Variants in NTPCR observed in about 807,000 individuals in gnomAD.
The protein encoded by NTPCR is cancer-related nucleoside-triphosphatase.
NTPCR carries 15 observed loss-of-function variants against 19.5 expected under a neutral mutation model. That is an observed-to-expected ratio of 0.77 (90% CI 0.51 to 1.18). NTPCR has a LOEUF of 1.18. Among genes scored for constraint, NTPCR ranks in the 50% most tolerant of loss-of-function variants. NTPCR has a pLI of 0.00. For missense variants in NTPCR, 206 were observed against 240.4 expected (o/e 0.86, Z 0.95); for synonymous variants, 90 against 95.8 (o/e 0.94, Z 0.36).
In NTPCR at chr1:232,983,622, G is replaced by A. The variant is rs1172098769; in HGVS notation, c.*5391G>A. The A allele has an allele frequency of 1.3e-5, 2 of 152,170 alleles. No homozygotes were observed. The highest frequency in any genetic ancestry group is 6.5e-5 in the Admixed American group (1 of 15,276). 9.4% of individuals were successfully genotyped at this position (152,170 alleles called of 1,614,324 possible). A position where few individuals can be genotyped will look rare whatever the true frequency, so the allele number is the denominator to read the frequency against. On this transcript the variant is annotated 3_prime_UTR_variant, in exon 5 of 5. Coordinates refer to ENST00000366628, the MANE Select transcript of NTPCR (RefSeq NM_032324.3). ...GCGGTGGATTTCCATGCACCGAATG[G>A]ACTCAGTTTCTAAACTCACATCCTA...
chr1:232,971,268 C>T (rs1668968355), intron 4 of NTPCR, among the ~76,000 whole-genome samples: 1 of 152,214 alleles, frequency 6.6e-6, no homozygotes, highest in Non-Finnish European at 1.5e-5. Flanking sequence ...CTCCCTGGCC[C>T]TGCAAGTGCC....
chr1:232,970,212 C>A, intron 4 of NTPCR, 94 bp downstream of exon 4: 1 of 1,006,084 alleles, frequency 9.9e-7, no homozygotes, highest in South Asian at 1.4e-5. Context: ...TTTGAGTTAA[C>A]ATTTTTTCCC....
chr1:232,963,049 G>T (rs1489631805), intron 3 of NTPCR: 1 of 152,166 alleles, frequency 6.6e-6, no homozygotes, highest in Non-Finnish European at 1.5e-5. Flanking sequence ...TAGAATTTCT[G>T]TCATTGCTGT....
rs1553266571 is a variant in NTPCR, at chr1:232,955,549, T to TTA, written c.35-8_35-7insTA. ...TTTCTTCTTTTTTTTTTTTTTTTTT[T>TTA]ATTTTAGGAGTTGGAAAAACAACAT... On this transcript the variant is annotated splice_region_variant and splice_polypyrimidine_tract_variant and intron_variant, in intron 1 of 4. Coordinates refer to ENST00000366628, the MANE Select transcript of NTPCR (RefSeq NM_032324.3). 1.1e-4 allele frequency: 162 copies of TTA among 1,448,734 alleles called. No homozygotes were observed. The African/African-American group carries it at 2.2e-3, about 19-fold the overall frequency. The allele number at this position is 1,448,734 out of a possible 1,614,324, so 89.7% of individuals were successfully genotyped here.
rs181715045 is a variant in NTPCR, at chr1:232,953,864, G to A, written c.35-1693G>A. On this transcript the variant is annotated intron_variant, in intron 1 of 4. Transcript: ENST00000366628. ...ACATATAAGCAGTATATTTTTTAAT[G>A]GTTGCATGGTATTTCTGTGTATTTA... Among the ~76,000 whole-genome samples, 161 of 152,152 alleles carry A rather than the reference G, an allele frequency of 1.1e-3. 1 individual carries two copies. The highest frequency in any genetic ancestry group is 3.7e-3 in the African/African-American group (153 of 41,510).
chr1:232,957,860 A>T (rs552576931), intron 3 of NTPCR, among the ~76,000 whole-genome samples: 1 of 152,322 alleles, frequency 6.6e-6, no homozygotes, highest in Non-Finnish European at 1.5e-5. Flanking sequence ...AGACCAAGGG[A>T]CCAGGAAAGA....
chr1:232,958,353 C>T (rs1038173955), intron 3 of NTPCR, among the ~76,000 whole-genome samples: 1 of 152,236 alleles, frequency 6.6e-6, no homozygotes, highest in Non-Finnish European at 1.5e-5. Flanking sequence ...ATATGCCAGG[C>T]TGAGGCCCTT....
intron 3 of NTPCR, chr1:232,963,706 C>T (rs1668729787): frequency 6.6e-6 from 1 of 151,930 alleles, no homozygotes; most frequent in African/African-American, 2.4e-5. Flanking sequence ...ATTTTTTTAA[C>T]TTCATTTGGA....
In NTPCR at chr1:232,978,514, T is replaced by A. The variant is rs139905642; in HGVS notation, c.*283T>A. The A allele has an allele frequency of 7.1e-4, 202 of 284,652 alleles. 1 individual carries two copies. In the East Asian group the frequency reaches 9.0e-3, roughly 13 times the overall value. The allele number at this position is 284,652 out of a possible 1,614,324, so 17.6% of individuals were successfully genotyped here. Reference sequence around the variant, plus strand: ...CACATGATTTGGGTAAACTGTGAGATGAGAAATGGTTTTCAGAGTATTAGA... The same window carrying A: ...CACATGATTTGGGTAAACTGTGAGAAGAGAAATGGTTTTCAGAGTATTAGA... On this transcript the variant is annotated 3_prime_UTR_variant, in exon 5 of 5. Coordinates refer to ENST00000366628, the MANE Select transcript of NTPCR (RefSeq NM_032324.3).
Position 232,979,695 on chromosome 1 carries a change from G to A in NTPCR, c.*1464G>A, listed in dbSNP as rs1669235107. The A allele has an allele frequency of 6.6e-6, 1 of 152,298 alleles. No individual in the cohort carries two copies. Among genetic ancestry groups the A allele is most frequent in the Admixed American group, 6.5e-5 (1 of 15,286 alleles). The allele number at this position is 152,298 out of a possible 1,614,324, so 9.4% of individuals were successfully genotyped here. A position where few individuals can be genotyped will look rare whatever the true frequency, so the allele number is the denominator to read the frequency against. ...AGTTCCGAGCTCAGGATGTCTGGCA[G>A]GCTGGCTGTGACTTCCAGCCACCAT... On this transcript the variant is annotated 3_prime_UTR_variant, in exon 5 of 5. Coordinates refer to ENST00000366628, the MANE Select transcript of NTPCR (RefSeq NM_032324.3). This position sits in a 1 kb window ranked among gnomAD's most constrained non-coding sequence, Gnocchi z 5.3.
chr1:232,980,349 A>G lies in NTPCR; in HGVS notation c.*2118A>G. On this transcript the variant is annotated 3_prime_UTR_variant, in exon 5 of 5. Transcript: ENST00000366628. ...AAGTGGTTCGTTCAGGAGCACAGTG[A>G]TAGCGGTGACAAAGGAGATTTGAAC... 6.6e-6 allele frequency: 1 copy of G among 152,204 alleles called. No homozygotes were observed. The highest frequency in any genetic ancestry group is 1.9e-4 in the East Asian group (1 of 5,186). The allele number at this position is 152,204 out of a possible 1,614,324, so 9.4% of individuals were successfully genotyped here. A position where few individuals can be genotyped will look rare whatever the true frequency, so the allele number is the denominator to read the frequency against.
chr1:232,961,872 A>G (rs556414170), intron 3 of NTPCR: 1 of 152,342 alleles, frequency 6.6e-6, no homozygotes, highest in East Asian at 1.9e-4. Flanking sequence ...ATGCTTAATT[A>G]ATTATATTAA....
rs79910465 is a variant in NTPCR, at chr1:232,950,648, C to G, written c.-63C>G. ...AGTCGCGACCCTGGTCCGGACCTGACCTGAATTGCGACCCCAACCTGGACT... is the reference window on the plus strand; with the variant it reads ...AGTCGCGACCCTGGTCCGGACCTGAGCTGAATTGCGACCCCAACCTGGACT... On this transcript the variant is annotated 5_prime_UTR_variant, in exon 1 of 5. Coordinates refer to ENST00000366628, the MANE Select transcript of NTPCR (RefSeq NM_032324.3). The G allele has an allele frequency of 0.04, 55,396 of 1,378,952 alleles. 1,365 individuals carry two copies. The highest frequency in any genetic ancestry group is 0.049 in the Middle Eastern group (246 of 5,022). 85.4% of individuals were successfully genotyped at this position (1,378,952 alleles called of 1,614,324 possible).
At chr1:232,972,203 G>A (rs1571967025) in intron 4 of NTPCR, among the ~76,000 whole-genome samples, 1 of 152,102 alleles carries the variant, frequency 6.6e-6, no homozygotes, top group Admixed American at 6.5e-5. Flanking sequence ...TTAGCTTTGA[G>A]TTAATTAAGT....
chr1:232,952,718 G>A lies in NTPCR; in HGVS notation c.34+1974G>A, dbSNP rs193098293. ...TTACACATAACTTTTTTCCCCATTAGGAGTTATTGTCAGGTGTTTTTATTT... is the reference window on the plus strand; with the variant it reads ...TTACACATAACTTTTTTCCCCATTAAGAGTTATTGTCAGGTGTTTTTATTT... On this transcript the variant is annotated intron_variant, in intron 1 of 4. Coordinates refer to ENST00000366628, the MANE Select transcript of NTPCR (RefSeq NM_032324.3). Among the ~76,000 whole-genome samples, 15 of 151,642 alleles carry A rather than the reference G, an allele frequency of 9.9e-5. No homozygotes were observed. The East Asian group carries it at 2.9e-3, about 29-fold the overall frequency.
intron 4 of NTPCR, among the ~76,000 whole-genome samples, chr1:232,974,002 T>C (rs1342747532): frequency 6.6e-6 from 1 of 152,208 alleles, no homozygotes; most frequent in Non-Finnish European, 1.5e-5. Context: ...AAAAAGTGTT[T>C]GAAGAAGTAA....
At chr1:232,964,773 A>G (rs1038080742) in intron 3 of NTPCR, 7 of 152,222 alleles carry the variant, frequency 4.6e-5, no homozygotes, top group African/African-American at 1.7e-4. Flanking sequence ...TTATAGGAAA[A>G]ACAATCAGTT....
In NTPCR at chr1:232,978,147, T is replaced by C; in HGVS notation, c.505-16T>C. On this transcript the variant is annotated splice_polypyrimidine_tract_variant and intron_variant, in intron 4 of 4. Coordinates refer to ENST00000366628, the MANE Select transcript of NTPCR (RefSeq NM_032324.3). Reference sequence around the variant, plus strand: ...GAAAGGAGCTCTGAAGCCTGTTCTCTCACTTCTTCCCACAGGTCACCAAGG... The same window carrying C: ...GAAAGGAGCTCTGAAGCCTGTTCTCCCACTTCTTCCCACAGGTCACCAAGG... The C allele has an allele frequency of 1.2e-6, 2 of 1,609,996 alleles. No individual in the cohort carries two copies. Among genetic ancestry groups the C allele is most frequent in the Non-Finnish European group, 1.7e-6 (2 of 1,176,306 alleles).
At chr1:232,975,329 CA>C (rs972174451) in intron 4 of NTPCR, among the ~76,000 whole-genome samples, 1 of 152,148 alleles carries the variant, frequency 6.6e-6, no homozygotes, top group Non-Finnish European at 1.5e-5. Context: ...GGTGATATCA[CA>C]AATTTGTCTT....
Sources: gnomAD v4.1 joint callset for allele counts (sites outside exome capture counted in the v4.1 genomes callset) on GRCh38, gnomAD v4.1.1 for gene constraint, Gnocchi (gnomAD v3.1) non-coding constraint, MANE v1.5 for transcripts, NCBI Gene and HGNC (gene_info 2026-07-23, HGNC 2026-07-21) for gene names.